The following BTRC variants were observed in gnomAD, a reference collection of about 807,000 sequenced individuals.
BTRC encodes F-box/WD repeat-containing protein 1A.
Under a neutral mutation model 85.5 loss-of-function variants are expected in BTRC, and 42 were observed. That is an observed-to-expected ratio of 0.49 (90% confidence interval 0.38 to 0.64). The LOEUF (loss-of-function observed/expected upper bound fraction) is 0.64. Ranked by LOEUF, BTRC falls within the 30% of genes least tolerant of loss-of-function variation. BTRC has a pLI of 0.00. For synonymous variants in BTRC, 255 were observed against 263.3 expected, an observed-to-expected ratio of 0.97 and a Z score of 0.30; for missense variants, 594 against 743.5, an observed-to-expected ratio of 0.80 and a Z score of 2.34.
chr10:101,523,596 A>G (rs533112266), intron 5 of BTRC, among the ~76,000 whole-genome samples: 1 of 152,288 alleles, frequency 6.6e-6, no homozygotes, highest in African/African-American at 2.4e-5. Context: ...ATATTTAAAA[A>G]CATTTCCTAG....
chr10:101,515,334 A>T (rs1027463014), intron 4 of BTRC, among the ~76,000 whole-genome samples: 3 of 151,960 alleles, frequency 2.0e-5, no homozygotes, highest in Admixed American at 1.3e-4. Flanking sequence ...TCAGCGAGTT[A>T]ATTTGCCTGC....
At chr10:101,548,228 A>C (rs1014970334) in intron 13 of BTRC, among the ~76,000 whole-genome samples, 14 of 152,242 alleles carry the variant, frequency 9.2e-5, no homozygotes, top group African/African-American at 3.1e-4. Flanking sequence ...CAGCAAGTCT[A>C]CTCCTAGTTG....
intron 7 of BTRC, 126 bp from the exon 8 acceptor site, chr10:101,532,169 A>T: frequency 2.3e-6 from 2 of 881,002 alleles, no homozygotes; most frequent in Non-Finnish European, 3.2e-6. Context: ...GACATTTTTT[A>T]GTTTTCCCTA....
At chr10:101,365,362 C>T (rs1462611772) in intron 1 of BTRC, among the ~76,000 whole-genome samples, 3 of 150,538 alleles carry the variant, frequency 2.0e-5, no homozygotes, top group Admixed American at 1.3e-4. Flanking sequence ...CGTGAGCCAC[C>T]GCGCTTGGCC....
intron 1 of BTRC, among the ~76,000 whole-genome samples, chr10:101,403,984 A>G (rs1282756372): frequency 1.1e-4 from 11 of 95,998 alleles, no homozygotes; most frequent in South Asian, 3.4e-4. Context: ...AATCCTATCT[A>G]TGTGTATGTG....
At chr10:101,538,178 T>C in intron 12 of BTRC, 115 bp from the exon 13 acceptor site, 1 of 859,382 alleles carries the variant, frequency 1.2e-6, no homozygotes, top group South Asian at 1.4e-5. Flanking sequence ...GTTAATCACG[T>C]ACATTTGAAC....
intron 6 of BTRC, among the ~76,000 whole-genome samples, chr10:101,528,839 C>T (rs533763573): frequency 2.0e-5 from 3 of 152,270 alleles, no homozygotes; most frequent in South Asian, 4.1e-4. Flanking sequence ...TTTCTACTAA[C>T]CAAAAATAGT....
intron 4 of BTRC, among the ~76,000 whole-genome samples, chr10:101,503,352 G>A (rs1006607442): frequency 5.3e-5 from 8 of 152,108 alleles, no homozygotes; most frequent in South Asian, 2.1e-4. Context: ...TTGAAAAGAG[G>A]AAGAGGACCA....
intron 1 of BTRC, among the ~76,000 whole-genome samples, chr10:101,390,159 TGTG>T (rs1175522389): frequency 6.6e-6 from 1 of 151,920 alleles, no homozygotes; most frequent in Admixed American, 6.6e-5. Flanking sequence ...GTGCATGACA[TGTG>T]GTAGACAATA....
intron 2 of BTRC, among the ~76,000 whole-genome samples, chr10:101,443,565 G>A (rs1944746809): frequency 6.6e-6 from 1 of 152,092 alleles, no homozygotes; most frequent in Admixed American, 6.6e-5. Flanking sequence ...CTTTCCATTT[G>A]ATCATATTAA....
chr10:101,450,349 GA>G (rs1214697329), intron 2 of BTRC, among the ~76,000 whole-genome samples: 2 of 152,210 alleles, frequency 1.3e-5, no homozygotes. Context: ...AATTAATGGT[GA>G]AACATTAAAA....
At position 101,430,449 on chromosome 10, in the gene BTRC, C is replaced by T; in HGVS notation, c.153C>T (p.Phe51=). The T allele has an allele frequency of 6.2e-7, 1 of 1,613,424 alleles. No homozygotes were observed. Among genetic ancestry groups the T allele is most frequent in the Non-Finnish European group, 8.5e-7 (1 of 1,179,532 alleles). The change falls in exon 2 of 15, where the codon TTC becomes TTT. Residue 51 remains phenylalanine, a synonymous_variant. Coordinates refer to ENST00000370187, the MANE Select transcript of BTRC (RefSeq NM_033637.4). ...CAGGGACTGGCGCACTCACAGCTTT[C>T]CAGGTACTTTCTCTGTCTCTGTGGG... ...YNPGTGALTA[F]QNSSEREDCN...
intron 4 of BTRC, among the ~76,000 whole-genome samples, chr10:101,481,847 C>T (rs1340630932): frequency 6.6e-6 from 1 of 152,040 alleles, no homozygotes; most frequent in Admixed American, 6.5e-5. Context: ...CTATTGGAAC[C>T]CAGTTAAATC....
At chr10:101,505,240 G>A (rs1203106170) in intron 4 of BTRC, among the ~76,000 whole-genome samples, 1 of 133,056 alleles carries the variant, frequency 7.5e-6, no homozygotes. Context: ...TTGACCTTAA[G>A]TGATCCGCCT....
At chr10:101,449,454 G>T (rs1944906068) in intron 2 of BTRC, among the ~76,000 whole-genome samples, 1 of 152,076 alleles carries the variant, frequency 6.6e-6, no homozygotes, top group South Asian at 2.1e-4. Flanking sequence ...CTTATTAGTG[G>T]AAGCAAATGT....
At position 101,366,977 on chromosome 10, in the gene BTRC, T is replaced by A. The variant is rs1453279609; in HGVS notation, c.48+12749T>A. 8.0e-5 allele frequency among the ~76,000 whole-genome samples: 5 copies of A among 62,454 alleles called. 2 individuals carry two copies. Among genetic ancestry groups the A allele is most frequent in the African/African-American group, 3.0e-4 (5 of 16,910 alleles). 41.0% of individuals were successfully genotyped at this position (62,454 alleles called of 152,430 possible). A position where few individuals can be genotyped will look rare whatever the true frequency, so the allele number is the denominator to read the frequency against. On this transcript the variant is annotated intron_variant, in intron 1 of 14. Transcript: ENST00000370187. ...ATATATATTTATATAAATATATATT[T>A]ATATATTTATATATATTAATATATA... is the stretch of plus-strand genomic sequence containing the variant.
intron 3 of BTRC, among the ~76,000 whole-genome samples, chr10:101,475,922 C>CATATATATCTATATATAT (rs1945667598): frequency 3.0e-5 from 2 of 67,538 alleles, no homozygotes; most frequent in African/African-American, 9.7e-5. Flanking sequence ...AGTATTTTGC[C>CATATATATCTATATATAT]ATATATATAT....
rs2062686532 is a variant in BTRC, at chr10:101,553,697, A to G, written c.*574A>G. 1.3e-5 allele frequency: 2 copies of G among 152,708 alleles called. No homozygotes were observed. Among genetic ancestry groups the G allele is most frequent in the Non-Finnish European group, 1.5e-5 (1 of 68,126 alleles). The allele number at this position is 152,708 out of a possible 1,614,324, so 9.5% of individuals were successfully genotyped here. ...GTTCCCTCTGTATAGCCTCTGGGAC[A>G]AGAAAAAGAAAACACAAGAATGTAT... is the stretch of plus-strand genomic sequence containing the variant. On this transcript the variant is annotated 3_prime_UTR_variant, in exon 15 of 15. Transcript: ENST00000370187.
intron 1 of BTRC, among the ~76,000 whole-genome samples, chr10:101,398,772 T>C (rs1382956746): frequency 6.6e-6 from 1 of 152,182 alleles, no homozygotes; most frequent in African/African-American, 2.4e-5. Flanking sequence ...TTATAAGAAA[T>C]AATATTGACC....
Sources: allele counts gnomAD v4.1 joint callset (sites outside exome capture counted in the v4.1 genomes callset), GRCh38; gene constraint gnomAD v4.1.1; transcripts MANE v1.5; gene names NCBI Gene and HGNC (gene_info 2026-07-23, HGNC 2026-07-21).